The following OR52E4 variants were observed in gnomAD, a reference collection of about 807,000 sequenced individuals.
The protein encoded by OR52E4 is olfactory receptor 52E4.
For missense variants in OR52E4, 444 were observed against 383.8 expected (o/e 1.16, Z -1.31); for synonymous variants, 169 against 137.4 (o/e 1.23, Z -1.61).
At position 5,884,883 on chromosome 11, in the gene OR52E4, CAT is replaced by C; in HGVS notation, c.593_594del (p.Ile198AsnfsTer26). On this transcript the variant is annotated frameshift_variant, in exon 2 of 2. Transcript: ENST00000641726. LOFTEE classifies it low-confidence loss of function (END_TRUNC). Reference protein sequence around the residue: ...GLACAPIKINIIYGLMVISYI... With the variant: ...GLACAPIKINXIYGLMVISYI... ...TGGCCTGTGCACCCATTAAGATCAA[CAT>C]AATCTATGGGCTCATGGTGATTTCT... The C allele has an allele frequency of 6.2e-7, 1 of 1,613,160 alleles. No individual in the cohort carries two copies. The highest frequency in any genetic ancestry group is 8.5e-7 in the Non-Finnish European group (1 of 1,179,366).
chr11:5,886,219 A>G lies in OR52E4; in HGVS notation c.*988A>G, dbSNP rs1340149142. The stretch of plus-strand genomic sequence containing the variant: ...TACACACACACACACACACACACAC[A>G]TATATATATATATCCTATTAGTTCA... On this transcript the variant is annotated 3_prime_UTR_variant, in exon 2 of 2. Coordinates refer to ENST00000641726, the MANE Select transcript of OR52E4 (RefSeq NM_001005165.2). The G allele has an allele frequency of 6.7e-6, 1 of 149,108 alleles. No individual in the cohort carries two copies. Among genetic ancestry groups the G allele is most frequent in the African/African-American group, 2.5e-5 (1 of 40,156 alleles). 9.2% of individuals were successfully genotyped at this position (149,108 alleles called of 1,614,324 possible).
At position 5,885,172 on chromosome 11, in the gene OR52E4, G is replaced by A. The variant is rs781424084; in HGVS notation, c.880G>A (p.Gly294Arg). The A allele has an allele frequency of 6.2e-7, 1 of 1,612,976 alleles. No individual in the cohort carries two copies. The highest frequency in any genetic ancestry group is 1.1e-5 in the South Asian group (1 of 91,020). Residue 294 changes from glycine (G) to arginine (R), a missense_variant, in exon 2 of 2, where the codon GGA (glycine) becomes AGA (arginine). Coordinates refer to ENST00000641726, the MANE Select transcript of OR52E4 (RefSeq NM_001005165.2). ...VPPALNPVIYGVRTKQIREQI... is the reference protein window; with the variant it reads ...VPPALNPVIYRVRTKQIREQI... ...ACCTGCCCTTAACCCTGTCATTTATGGAGTCAGGACCAAGCAGATCCGAGA... is the reference window on the plus strand; with the variant it reads ...ACCTGCCCTTAACCCTGTCATTTATAGAGTCAGGACCAAGCAGATCCGAGA...
chr11:5,883,435 A>G (rs1396822415), intron 1 of OR52E4, among the ~76,000 whole-genome samples: 1 of 152,038 alleles, frequency 6.6e-6, no homozygotes, highest in Non-Finnish European at 1.5e-5. Flanking sequence ...AGTGGTAGAC[A>G]GTAGTACTTC....
At position 5,887,043 on chromosome 11, in the gene OR52E4, T is replaced by G. The variant is rs1379586210; in HGVS notation, c.*1812T>G. The G allele has an allele frequency of 2.0e-5, 3 of 152,124 alleles. No individual in the cohort carries two copies. Among genetic ancestry groups the G allele is most frequent in the Non-Finnish European group, 4.4e-5 (3 of 68,010 alleles). 9.4% of individuals were successfully genotyped at this position (152,124 alleles called of 1,614,324 possible). On this transcript the variant is annotated 3_prime_UTR_variant, in exon 2 of 2. Coordinates refer to ENST00000641726, the MANE Select transcript of OR52E4 (RefSeq NM_001005165.2). Reference sequence around the variant, plus strand: ...TAGGGTTTTAAATGTGGAAATACATTGAAACTTGATCTATTCCCTTTGTCT... The same window carrying G: ...TAGGGTTTTAAATGTGGAAATACATGGAAACTTGATCTATTCCCTTTGTCT...
chr11:5,882,583 TGTAC>T (rs1437037536), intron 1 of OR52E4, among the ~76,000 whole-genome samples: 17 of 152,098 alleles, frequency 1.1e-4, no homozygotes, highest in African/African-American at 4.1e-4. Flanking sequence ...CCTTTGCTTG[TGTAC>T]TTCTGCTGTA....
rs779505620 is a variant in OR52E4 at position 5,885,074 on chromosome 11, T to A, written c.782T>A (p.Met261Lys). The change falls in exon 2 of 2, where the codon ATG (methionine) becomes AAG (lysine). Residue 261 changes from methionine to lysine, a missense_variant. Coordinates refer to ENST00000641726, the MANE Select transcript of OR52E4 (RefSeq NM_001005165.2). ...TACACACCAGCATTTTTTTCTTTTA[T>A]GACACATCGTTTTGGCCAAAACATT... ...CFYTPAFFSF[M>K]THRFGQNIPH... is the part of the protein sequence containing the mutation. The A allele has an allele frequency of 3.7e-6, 6 of 1,613,580 alleles. No homozygotes were observed. The South Asian group carries it at 6.6e-5, about 18-fold the overall frequency.
intron 1 of OR52E4, among the ~76,000 whole-genome samples, chr11:5,883,878 C>G (rs1453293306): frequency 3.3e-5 from 5 of 151,908 alleles, no homozygotes; most frequent in Non-Finnish European, 7.4e-5. Context: ...TGGAAAGGTA[C>G]TTAGAAAACC....
chr11:5,884,392 T>G lies in OR52E4; in HGVS notation c.100T>G (p.Cys34Gly). ...ACATATCTGGATTTCTTTCCCATTC[T>G]GTATTGTGTACCTGATTGCCATTGT... ...TLHIWISFPF[C>G]IVYLIAIVGN... Residue 34 changes from cysteine (C) to glycine (G), a missense_variant, in exon 2 of 2, where the codon TGT becomes GGT. Physicochemically the swap from Cys to Gly is radical, Grantham distance 159. Transcript: ENST00000641726. 6.2e-7 allele frequency: 1 copy of G among 1,613,384 alleles called. No individual in the cohort carries two copies. The highest frequency in any genetic ancestry group is 1.1e-5 in the South Asian group (1 of 91,062).
intron 1 of OR52E4, among the ~76,000 whole-genome samples, chr11:5,883,598 T>TAAA (rs1846993829): frequency 6.6e-6 from 1 of 151,692 alleles, no homozygotes. Context: ...AACTATTATA[T>TAAA]AAAACATAAT....
At chr11:5,883,145 T>G (rs1846986743) in intron 1 of OR52E4, among the ~76,000 whole-genome samples, 1 of 152,104 alleles carries the variant, frequency 6.6e-6, no homozygotes, top group South Asian at 2.1e-4. Flanking sequence ...TGTTACTAAC[T>G]GATGTTATAG....
Position 5,885,783 on chromosome 11 carries a change from CTCTT to C in OR52E4, c.*554_*557del, listed in dbSNP as rs1342693428. 1.3e-5 allele frequency: 2 copies of C among 152,272 alleles called. No homozygotes were observed. The highest frequency in any genetic ancestry group is 2.9e-5 in the Non-Finnish European group (2 of 68,244). 9.4% of individuals were successfully genotyped at this position (152,272 alleles called of 1,614,324 possible). Reference sequence around the variant, plus strand: ...TCCTTCTTTCAGATTCCTGCTCTCTCTCTTTTTGTGATGGTTAATACTGAGTGTC... The same window carrying C: ...TCCTTCTTTCAGATTCCTGCTCTCTCTTTGTGATGGTTAATACTGAGTGTC... On this transcript the variant is annotated 3_prime_UTR_variant, in exon 2 of 2. Coordinates refer to ENST00000641726, the MANE Select transcript of OR52E4 (RefSeq NM_001005165.2).
intron 1 of OR52E4, among the ~76,000 whole-genome samples, chr11:5,883,523 A>C (rs1846992127): frequency 6.6e-6 from 1 of 151,870 alleles, no homozygotes; most frequent in Non-Finnish European, 1.5e-5. Flanking sequence ...AATTACATCC[A>C]TAATATTTAT....
intron 1 of OR52E4, among the ~76,000 whole-genome samples, chr11:5,882,545 TCTC>T (rs1207947510): frequency 1.3e-5 from 2 of 152,058 alleles, no homozygotes; most frequent in African/African-American, 4.8e-5. Flanking sequence ...CTCTTGTTCT[TCTC>T]ATACAGAATG....
In OR52E4 at chr11:5,886,936, G is replaced by C. The variant is rs1287102728; in HGVS notation, c.*1705G>C. On this transcript the variant is annotated 3_prime_UTR_variant, in exon 2 of 2. Coordinates refer to ENST00000641726, the MANE Select transcript of OR52E4 (RefSeq NM_001005165.2). Reference sequence around the variant, plus strand: ...TTCCTGAATTCTATAGTATTTTGTAGATTTTCTTTAGGTCTGTATGCATGG... The same window carrying C: ...TTCCTGAATTCTATAGTATTTTGTACATTTTCTTTAGGTCTGTATGCATGG... 3 of 152,052 alleles carry C rather than the reference G, an allele frequency of 2.0e-5. No homozygotes were observed. Among genetic ancestry groups the C allele is most frequent in the Non-Finnish European group, 2.9e-5 (2 of 67,980 alleles). The allele number at this position is 152,052 out of a possible 1,614,324, so 9.4% of individuals were successfully genotyped here. A position where few individuals can be genotyped will look rare whatever the true frequency, so the allele number is the denominator to read the frequency against.
chr11:5,883,217 C>T (rs930311216), intron 1 of OR52E4, among the ~76,000 whole-genome samples: 4 of 151,838 alleles, frequency 2.6e-5, no homozygotes, highest in African/African-American at 4.8e-5. Flanking sequence ...GGAAGGATAT[C>T]AGGGAATCAG....
At chr11:5,883,400 G>A (rs529753529) in intron 1 of OR52E4, among the ~76,000 whole-genome samples, 7 of 151,996 alleles carry the variant, frequency 4.6e-5, no homozygotes, top group South Asian at 2.1e-4. Context: ...AGATCCTTAC[G>A]TTTATATTAT....
Position 5,884,267 on chromosome 11 carries a change from G to A in OR52E4, c.-26G>A. 1 of 1,523,076 alleles carries A rather than the reference G, an allele frequency of 6.6e-7. No homozygotes were observed. Among genetic ancestry groups the A allele is most frequent in the South Asian group, 1.2e-5 (1 of 82,984 alleles). The allele number at this position is 1,523,076 out of a possible 1,614,324, so 94.3% of individuals were successfully genotyped here. On this transcript the variant is annotated 5_prime_UTR_variant, in exon 2 of 2. Coordinates refer to ENST00000641726, the MANE Select transcript of OR52E4 (RefSeq NM_001005165.2). ...AAGAAAGTGAGATCCTTCATACTTA[G>A]GAATTCAGTGACACTTGCTGGGAGA...
In OR52E4 at chr11:5,884,676, C is replaced by T; in HGVS notation, c.384C>T (p.Ile128=). The change falls in exon 2 of 2, where the codon ATC becomes ATT. Residue 128 remains isoleucine (I), a synonymous_variant. Coordinates refer to ENST00000641726, the MANE Select transcript of OR52E4 (RefSeq NM_001005165.2). Reference sequence around the variant, plus strand: ...TGGCTTATGACCGCTTTGTTGCCATCTGCAACCCTCTCCAGTACACCATGA... The same window carrying T: ...TGGCTTATGACCGCTTTGTTGCCATTTGCAACCCTCTCCAGTACACCATGA... The part of the protein sequence containing the change: ...VVMAYDRFVA[I]CNPLQYTMIL... The T allele has an allele frequency of 1.2e-6, 2 of 1,613,588 alleles. No homozygotes were observed. The highest frequency in any genetic ancestry group is 1.7e-6 in the Non-Finnish European group (2 of 1,179,718).
intron 1 of OR52E4, among the ~76,000 whole-genome samples, chr11:5,881,374 T>C (rs1208043293): frequency 6.6e-6 from 1 of 152,140 alleles, no homozygotes; most frequent in Non-Finnish European, 1.5e-5. Flanking sequence ...TGAATGAAGG[T>C]ATTTATCCAC....
Sources: gnomAD v4.1 joint callset for allele counts (sites outside exome capture counted in the v4.1 genomes callset) on GRCh38, gnomAD v4.1.1 for gene constraint, MANE v1.5 for transcripts, NCBI Gene and HGNC (gene_info 2026-07-23, HGNC 2026-07-21) for gene names.